The following NPLOC4 variants were observed in gnomAD, a reference collection of about 807,000 sequenced individuals.
NPLOC4 encodes nuclear protein localization protein 4 homolog.
A neutral mutation model predicts 80.6 loss-of-function variants in NPLOC4; 18 were observed. The ratio of observed to expected loss-of-function variants is 0.22; its 90% CI spans 0.15 to 0.33. The LOEUF (loss-of-function observed/expected upper bound fraction) is 0.33, where lower values mean the gene tolerates loss of function less well. Ranked by LOEUF, NPLOC4 falls within the 10% of genes least tolerant of loss-of-function variation. NPLOC4 has a pLI of 1.00. For missense variants in NPLOC4, 540 were observed against 786.1 expected (o/e 0.69, Z 3.74); for synonymous variants, 313 against 301.5 (o/e 1.04, Z -0.39).
rs1224645778 is a variant in NPLOC4, at chr17:81,565,536, A to G, written c.1638T>C (p.Ser546=). 3 of 1,554,300 alleles carry G rather than the reference A, an allele frequency of 1.9e-6. No homozygotes were observed. The highest frequency in any genetic ancestry group is 2.6e-6 in the Non-Finnish European group (3 of 1,149,822). Residue 546 remains serine, a synonymous_variant, in exon 16 of 17, where the codon TCT becomes TCC. Transcript: ENST00000331134. ...NEELAQTWKR[S]EQWATIEQLC... ...GCTGCTCGATGGTGGCCCACTGCTC[A>G]GACCTCTTCCATGTCTGGGCGAGCT... is the stretch of plus-strand genomic sequence containing the variant.
chr17:81,624,374 C>T (rs971654434), intron 2 of NPLOC4, among the ~76,000 whole-genome samples: 2 of 152,060 alleles, frequency 1.3e-5, no homozygotes, highest in African/African-American at 2.4e-5. Flanking sequence ...GCCAAGATGG[C>T]GCCATTGCAC....
chr17:81,601,187 C>T (rs992441167), intron 8 of NPLOC4, among the ~76,000 whole-genome samples: 5 of 152,148 alleles, frequency 3.3e-5, no homozygotes, highest in African/African-American at 9.7e-5. Flanking sequence ...GCAGAAACCC[C>T]AGCCATAAGA....
At chr17:81,632,840 G>A (rs983122244) in intron 1 of NPLOC4, among the ~76,000 whole-genome samples, 2 of 152,084 alleles carry the variant, frequency 1.3e-5, no homozygotes, top group Admixed American at 1.3e-4. Flanking sequence ...CCTAAAATAG[G>A]ATAACCCTGT....
At chr17:81,594,011 C>T (rs939515366) in intron 11 of NPLOC4, among the ~76,000 whole-genome samples, 4 of 152,122 alleles carry the variant, frequency 2.6e-5, no homozygotes, top group African/African-American at 4.8e-5. Context: ...CAGTGGCTCA[C>T]GCCTGTAATC....
In NPLOC4 at chr17:81,605,541, C is replaced by T. The variant is rs886322193; in HGVS notation, c.655-814G>A. On this transcript the variant is annotated intron_variant, in intron 7 of 16. Transcript: ENST00000331134. ...CTCATGCCTGTAATCCCAGCTACTC[C>T]GGAGGCTGAGGCAATAGAATCACTT... Among the ~76,000 whole-genome samples, 9 of 150,958 alleles carry T rather than the reference C, an allele frequency of 6.0e-5. 1 individual carries two copies. The highest frequency in any genetic ancestry group is 4.0e-4 in the Admixed American group (6 of 15,138).
chr17:81,610,330 G>T, intron 4 of NPLOC4, 72 bp from the exon 5 acceptor site: 1 of 1,370,924 alleles, frequency 7.3e-7, no homozygotes, highest in Non-Finnish European at 1.0e-6. Flanking sequence ...TGTCTCACAT[G>T]CACGTCCTAC....
chr17:81,592,080 G>T (rs1274463990), intron 11 of NPLOC4, among the ~76,000 whole-genome samples: 1 of 152,202 alleles, frequency 6.6e-6, no homozygotes, highest in African/African-American at 2.4e-5. Context: ...AACGAAAGGG[G>T]AAAGGGGAGG....
In NPLOC4 at chr17:81,602,707, T is replaced by TA. The variant is rs112330164; in HGVS notation, c.834+1840dup. On this transcript the variant is annotated intron_variant, in intron 8 of 16. Transcript: ENST00000331134. ...ACAGAGTAAAACTCCGTCTCAAAAT[T>TA]AAAAAAAAAAAAAAAAATCAAACTT... 7.4e-3 allele frequency among the ~76,000 whole-genome samples: 939 copies of TA among 127,608 alleles called. 5 individuals are homozygous for TA. Among genetic ancestry groups the TA allele is most frequent in the Middle Eastern group, 0.017 (4 of 236 alleles). 83.7% of individuals were successfully genotyped at this position (127,608 alleles called of 152,430 possible). A position where few individuals can be genotyped will look rare whatever the true frequency, so the allele number is the denominator to read the frequency against.
At position 81,596,212 on chromosome 17, in the gene NPLOC4, T is replaced by C; in HGVS notation, c.1024A>G (p.Ile342Val). ...DTYFLSSEEC[I>V]TAGDFQNKHP... ...TTGTTCTGGAAGTCTCCTGCAGTGA[T>C]GCACTCTTCTGAACTTAGGAAATAG... Residue 342 changes from isoleucine to valine, a missense_variant, in exon 11 of 17, where the codon ATC becomes GTC. Physicochemically the swap from Ile to Val is conservative, Grantham distance 29. Around this residue, in one of 6 missense-constraint regions of NPLOC4, gnomAD observed 251 missense variants for 377.5 expected, o/e 0.66. Coordinates refer to ENST00000331134, the MANE Select transcript of NPLOC4 (RefSeq NM_017921.4). 15 of 1,613,976 alleles carry C rather than the reference T, an allele frequency of 9.3e-6. No individual in the cohort carries two copies. The highest frequency in any genetic ancestry group is 1.3e-5 in the Non-Finnish European group (15 of 1,179,876).
At chr17:81,620,393 G>A (rs908960485) in intron 3 of NPLOC4, among the ~76,000 whole-genome samples, 2 of 152,180 alleles carry the variant, frequency 1.3e-5, no homozygotes, top group Admixed American at 1.3e-4. Flanking sequence ...CTACTCAGGA[G>A]GCTGAGGCAG....
At chr17:81,635,203 C>T (rs1045710855) in intron 1 of NPLOC4, among the ~76,000 whole-genome samples, 1 of 151,706 alleles carries the variant, frequency 6.6e-6, no homozygotes, top group African/African-American at 2.4e-5. Flanking sequence ...ATCAGCCATG[C>T]GTGTTGGCGA....
chr17:81,618,983 G>A (rs1301340839), intron 3 of NPLOC4, among the ~76,000 whole-genome samples: 2 of 151,952 alleles, frequency 1.3e-5, no homozygotes, highest in African/African-American at 4.8e-5. Flanking sequence ...GATGTGCTTT[G>A]TTAAACAGAT....
chr17:81,626,919 G>A (rs1354932839), intron 2 of NPLOC4, among the ~76,000 whole-genome samples: 2 of 48,502 alleles, frequency 4.1e-5, no homozygotes, highest in Non-Finnish European at 6.9e-5. Flanking sequence ...GTGAAACCTC[G>A]TCTCTACTAA....
At chr17:81,563,761 A>T in intron 16 of NPLOC4, 3 of 347,758 alleles carry the variant, frequency 8.6e-6, no homozygotes, top group South Asian at 4.2e-5. Context: ...CAAAAATATT[A>T]AAAAATTTTG....
chr17:81,600,225 G>A (rs960770409), intron 9 of NPLOC4, 116 bp downstream of exon 9: 1 of 706,272 alleles, frequency 1.4e-6, no homozygotes. Flanking sequence ...CTGACCTTGT[G>A]CAGCCGGAGA....
chr17:81,627,763 T>C (rs1347368261), intron 2 of NPLOC4, among the ~76,000 whole-genome samples: 2 of 151,052 alleles, frequency 1.3e-5, no homozygotes, highest in Non-Finnish European at 3.0e-5. Flanking sequence ...AGCGAAACTC[T>C]GTCTCAAAAA....
intron 1 of NPLOC4, among the ~76,000 whole-genome samples, chr17:81,635,950 T>C (rs897611646): frequency 1.3e-5 from 2 of 151,486 alleles, no homozygotes; most frequent in African/African-American, 2.5e-5. Flanking sequence ...TGATATTTTT[T>C]ACGTTAAGGA....
intron 9 of NPLOC4, among the ~76,000 whole-genome samples, chr17:81,598,059 C>A (rs1342474498): frequency 3.4e-5 from 5 of 145,132 alleles, no homozygotes; most frequent in Non-Finnish European, 7.4e-5. Context: ...TGCGTCACTG[C>A]ACTCCAGCCT....
Position 81,606,798 on chromosome 17 carries a change from G to C in NPLOC4, c.547C>G (p.Leu183Val). 3 of 1,612,084 alleles carry C rather than the reference G, an allele frequency of 1.9e-6. No individual in the cohort carries two copies. Among genetic ancestry groups the C allele is most frequent in the Non-Finnish European group, 2.5e-6 (3 of 1,179,234 alleles). Reference protein sequence around the residue: ...GGADKGKFVALENISCKIKSG... With the variant: ...GGADKGKFVAVENISCKIKSG... ...TTAATCTTGCAGCTGATGTTCTCCA[G>C]GGCAACAAACTTCCCCCTACATAGA... is the stretch of plus-strand genomic sequence containing the variant. The change falls in exon 7 of 17, where the codon CTG becomes GTG. Residue 183 changes from leucine to valine, a missense_variant. By Grantham distance (32) the Leu-to-Val change is conservative. Transcript: ENST00000331134.
Sources: allele counts gnomAD v4.1 joint callset (sites outside exome capture counted in the v4.1 genomes callset), GRCh38; gene constraint gnomAD v4.1.1; regional missense constraint gnomAD v4.1.1; transcripts MANE v1.5; gene names NCBI Gene and HGNC (gene_info 2026-07-23, HGNC 2026-07-21).